PPP4R2: variants seen among roughly 807,000 people sequenced by gnomAD.
PPP4R2 encodes the protein serine/threonine-protein phosphatase 4 regulatory subunit 2.
Under a neutral mutation model 47.2 loss-of-function variants are expected in PPP4R2, and 13 were observed. The observed-to-expected ratio is 0.28, with a 90% CI of 0.18 to 0.44. The LOEUF is 0.44. PPP4R2 is among the 20% of genes least tolerant of loss of function. PPP4R2 has a pLI of 1.00. For missense variants in PPP4R2, 421 were observed against 491.2 expected, an observed-to-expected ratio of 0.86 and a Z score of 1.35; for synonymous variants, 151 against 163.3, an observed-to-expected ratio of 0.92 and a Z score of 0.57.
chr3:73,050,164 C>G (rs1575878408), intron 3 of PPP4R2, among the ~76,000 whole-genome samples: 1 of 151,988 alleles, frequency 6.6e-6, no homozygotes, highest in African/African-American at 2.4e-5. Flanking sequence ...GGGGTTTTAC[C>G]ATGTTGGCCA....
chr3:73,023,645 A>G (rs2107259092), intron 2 of PPP4R2, among the ~76,000 whole-genome samples: 1 of 152,376 alleles, frequency 6.6e-6, no homozygotes, highest in East Asian at 1.9e-4. Context: ...GCAGTAGTTC[A>G]TCAAAGGAAG....
intron 4 of PPP4R2, among the ~76,000 whole-genome samples, chr3:73,059,911 G>A (rs950856546): frequency 6.6e-6 from 1 of 150,568 alleles, no homozygotes; most frequent in African/African-American, 2.5e-5. Flanking sequence ...CTCCAGCCTG[G>A]GCAACAAAGT....
chr3:73,029,655 G>C (rs574099585), intron 2 of PPP4R2, among the ~76,000 whole-genome samples: 2 of 152,246 alleles, frequency 1.3e-5, no homozygotes, highest in Non-Finnish European at 1.5e-5. Context: ...CAAATGGTTG[G>C]GTGGATGATT....
At chr3:73,001,255 A>T (rs1253714344) in intron 2 of PPP4R2, among the ~76,000 whole-genome samples, 1 of 152,100 alleles carries the variant, frequency 6.6e-6, no homozygotes. Flanking sequence ...GTTTAGGTAA[A>T]ATATACTTAT....
At chr3:73,024,161 A>C (rs2107260157) in intron 2 of PPP4R2, among the ~76,000 whole-genome samples, 1 of 152,264 alleles carries the variant, frequency 6.6e-6, no homozygotes, top group East Asian at 1.9e-4. Context: ...CTAATTTCTA[A>C]TGTAGGAAAA....
At chr3:73,054,207 C>T (rs1184630175) in intron 3 of PPP4R2, among the ~76,000 whole-genome samples, 1 of 152,198 alleles carries the variant, frequency 6.6e-6, no homozygotes, top group African/African-American at 2.4e-5. Flanking sequence ...CGTGAGCCGC[C>T]GTGCTCAGCT....
At chr3:73,025,861 T>C (rs949022421) in intron 2 of PPP4R2, among the ~76,000 whole-genome samples, 105 of 152,218 alleles carry the variant, frequency 6.9e-4, no homozygotes, top group African/African-American at 2.5e-3. Context: ...ACTCAGGAGA[T>C]GATTATGGTA....
At chr3:73,010,937 A>G (rs964730698) in intron 2 of PPP4R2, among the ~76,000 whole-genome samples, 2 of 152,190 alleles carry the variant, frequency 1.3e-5, no homozygotes, top group African/African-American at 2.4e-5. Context: ...AGTCTTTACA[A>G]CTACTATCTG....
chr3:73,018,341 T>C (rs2107243896), intron 2 of PPP4R2, among the ~76,000 whole-genome samples: 1 of 151,260 alleles, frequency 6.6e-6, no homozygotes, highest in East Asian at 1.9e-4. Flanking sequence ...GTGCAGATTT[T>C]GGTATACACA....
intron 2 of PPP4R2, among the ~76,000 whole-genome samples, chr3:73,017,967 A>G (rs72889032): frequency 0.14 from 21,702 of 152,082 alleles, 1,882 homozygotes; most frequent in East Asian, 0.36. Flanking sequence ...TAATGCAACT[A>G]TTAACAATAT....
chr3:73,029,501 A>G (rs568812347), intron 2 of PPP4R2, among the ~76,000 whole-genome samples: 6 of 152,308 alleles, frequency 3.9e-5, no homozygotes, highest in African/African-American at 1.2e-4. Flanking sequence ...AAAAAGAAAG[A>G]AAGGAGTCAG....
At chr3:73,000,017 G>A (rs1006098045) in intron 2 of PPP4R2, among the ~76,000 whole-genome samples, 5 of 152,238 alleles carry the variant, frequency 3.3e-5, no homozygotes, top group Non-Finnish European at 7.4e-5. Context: ...AGATTGTAAC[G>A]AGAGAATGAA....
intron 5 of PPP4R2, chr3:73,062,411 G>T (rs750178636): frequency 2.5e-6 from 4 of 1,611,170 alleles, no homozygotes; most frequent in Non-Finnish European, 2.5e-6. Flanking sequence ...CCAAGTCTAT[G>T]CTAGACCCAG....
At chr3:73,004,652 G>A (rs1701556450) in intron 2 of PPP4R2, among the ~76,000 whole-genome samples, 1 of 152,002 alleles carries the variant, frequency 6.6e-6, no homozygotes, top group Non-Finnish European at 1.5e-5. Flanking sequence ...TTTTAGGCTG[G>A]TCTCCTGAGC....
intron 3 of PPP4R2, among the ~76,000 whole-genome samples, chr3:73,053,754 A>G (rs1702668172): frequency 6.6e-6 from 1 of 151,048 alleles, no homozygotes; most frequent in Non-Finnish European, 1.5e-5. Context: ...CTAAAAATAC[A>G]AAAAATTAGC....
chr3:73,040,495 C>A (rs1335819596), intron 2 of PPP4R2, among the ~76,000 whole-genome samples: 1 of 123,970 alleles, frequency 8.1e-6, no homozygotes, highest in Non-Finnish European at 1.6e-5. Flanking sequence ...GTAGATGTGA[C>A]CTAATTTTTT....
chr3:73,057,927 G>A (rs903953617), intron 3 of PPP4R2, among the ~76,000 whole-genome samples: 2 of 152,036 alleles, frequency 1.3e-5, no homozygotes, highest in Non-Finnish European at 2.9e-5. Flanking sequence ...CTATTAATTT[G>A]AGGCTTTGTA....
chr3:73,016,890 C>T (rs991108390), intron 2 of PPP4R2, among the ~76,000 whole-genome samples: 3 of 146,870 alleles, frequency 2.0e-5, no homozygotes, highest in Admixed American at 6.9e-5. Context: ...TCACTGAAAC[C>T]TCCACCTCCC....
chr3:73,051,013 C>T (rs565481722), intron 3 of PPP4R2, among the ~76,000 whole-genome samples: 36 of 152,324 alleles, frequency 2.4e-4, no homozygotes, highest in African/African-American at 8.7e-4. Flanking sequence ...CTCCTGGGTT[C>T]AGGCGATTCT....
Sources: allele counts gnomAD v4.1 joint callset (sites outside exome capture counted in the v4.1 genomes callset), GRCh38; gene constraint gnomAD v4.1.1; transcripts MANE v1.5; gene names NCBI Gene and HGNC (gene_info 2026-07-23, HGNC 2026-07-21).